Variants in CLNK observed in about 807,000 individuals in gnomAD.
The protein encoded by CLNK is cytokine dependent hematopoietic cell linker.
A neutral mutation model predicts 68.6 loss-of-function variants in CLNK; 74 were observed. That is an observed-to-expected ratio of 1.08 (90% CI 0.89 to 1.31). The LOEUF (loss-of-function observed/expected upper bound fraction) is 1.31, where lower values mean the gene tolerates loss of function less well. Ranked by LOEUF, CLNK falls within the 50% of genes most tolerant of loss-of-function variation. CLNK has a pLI of 0.00. For synonymous variants in CLNK, 198 were observed against 172.2 expected (o/e 1.15, Z -1.17); for missense variants, 553 against 515.3 (o/e 1.07, Z -0.71).
chr4:10,641,205 A>T (rs893796756), intron 2 of CLNK, among the ~76,000 whole-genome samples: 5 of 151,900 alleles, frequency 3.3e-5, no homozygotes, highest in African/African-American at 1.2e-4. Flanking sequence ...GGGTGTGGGG[A>T]GGCTTACTCA....
chr4:10,492,365 A>G (rs1716617951), intron 18 of CLNK, among the ~76,000 whole-genome samples: 1 of 151,566 alleles, frequency 6.6e-6, no homozygotes, highest in African/African-American at 2.4e-5. Flanking sequence ...GGTTTTGTCC[A>G]CTCCTTCCTC....
intron 2 of CLNK, among the ~76,000 whole-genome samples, chr4:10,609,416 T>G (rs998328240): frequency 2.0e-5 from 3 of 152,244 alleles, no homozygotes; most frequent in Non-Finnish European, 4.4e-5. Context: ...TAGCTTCTTC[T>G]GACTCACAGT....
intron 7 of CLNK, 90 bp downstream of exon 7, chr4:10,564,581 A>T: frequency 1.2e-6 from 1 of 865,282 alleles, no homozygotes; most frequent in Admixed American, 2.0e-5. Flanking sequence ...CCCTAATAAG[A>T]TGGCCTGGGG....
At chr4:10,661,120 A>T (rs1724176074) in intron 2 of CLNK, among the ~76,000 whole-genome samples, 1 of 152,204 alleles carries the variant, frequency 6.6e-6, no homozygotes, top group Non-Finnish European at 1.5e-5. Flanking sequence ...TATTCCTGCA[A>T]ATCAAAGTGA....
At chr4:10,708,397 A>C in the CLNK span, among the ~76,000 whole-genome samples, 1 of 149,744 alleles carries the variant, frequency 6.7e-6, no homozygotes, top group Admixed American at 6.6e-5. Context: ...TTTTTTTTCT[A>C]TTTTACAAAT....
intron 7 of CLNK, among the ~76,000 whole-genome samples, chr4:10,561,091 AG>A (rs1719871831): frequency 6.6e-6 from 1 of 151,408 alleles, no homozygotes; most frequent in Non-Finnish European, 1.5e-5. Flanking sequence ...TTTAGAGATG[AG>A]ATGTTACTAT....
chr4:10,531,105 C>T (rs1422864802), intron 12 of CLNK, among the ~76,000 whole-genome samples: 1 of 152,194 alleles, frequency 6.6e-6, no homozygotes, highest in Non-Finnish European at 1.5e-5. Context: ...TTCACGTCTA[C>T]TATATAGATA....
intron 17 of CLNK, among the ~76,000 whole-genome samples, chr4:10,507,356 C>A (rs1028878551): frequency 6.6e-6 from 1 of 152,102 alleles, no homozygotes; most frequent in African/African-American, 2.4e-5. Context: ...AGGTGATCCA[C>A]CCGCCTCATC....
intron 2 of CLNK, among the ~76,000 whole-genome samples, chr4:10,647,550 G>A (rs1560261034): frequency 6.6e-6 from 1 of 152,116 alleles, no homozygotes. Context: ...CTTATTTTAT[G>A]GACATATGAT....
intron 2 of CLNK, among the ~76,000 whole-genome samples, chr4:10,615,479 C>A (rs1267570512): frequency 6.6e-6 from 1 of 151,158 alleles, no homozygotes; most frequent in Non-Finnish European, 1.5e-5. Context: ...GTCGTGCCGC[C>A]GCACTCCAGC....
chr4:10,526,658 T>C (rs776716552), intron 13 of CLNK, among the ~76,000 whole-genome samples: 2 of 152,036 alleles, frequency 1.3e-5, no homozygotes, highest in African/African-American at 2.4e-5. Context: ...GCTCCTAGGG[T>C]TCTCACGTAG....
chr4:10,591,777 G>C (rs919832806), intron 3 of CLNK, among the ~76,000 whole-genome samples: 1 of 152,220 alleles, frequency 6.6e-6, no homozygotes, highest in Non-Finnish European at 1.5e-5. Flanking sequence ...TCTCAATCCA[G>C]ATGAAATTCA....
Position 10,547,598 on chromosome 4 carries a change from T to C in CLNK, c.446-5318A>G, listed in dbSNP as rs148157931. 1.2e-3 allele frequency among the ~76,000 whole-genome samples: 190 copies of C among 152,308 alleles called. 5 individuals carry two copies. The highest frequency in any genetic ancestry group is 7.9e-3 in the Admixed American group (121 of 15,294). On this transcript the variant is annotated intron_variant, in intron 8 of 18. Coordinates refer to ENST00000226951, the MANE Select transcript of CLNK (RefSeq NM_052964.4). Reference sequence around the variant, plus strand: ...GTAGAGTGGGTCTCCAGAATTTATTTGTGCACCATAACTGAAACTTTGTCC... The same window carrying C: ...GTAGAGTGGGTCTCCAGAATTTATTCGTGCACCATAACTGAAACTTTGTCC...
intron 1 of CLNK, among the ~76,000 whole-genome samples, chr4:10,671,386 A>T (rs1441511241): frequency 6.4e-4 from 4 of 6,226 alleles, no homozygotes; most frequent in African/African-American, 1.1e-3. Context: ...AACTCTATCT[A>T]AAAAAAAAAA....
chr4:10,558,671 C>T (rs574693182), intron 7 of CLNK, among the ~76,000 whole-genome samples: 5 of 152,164 alleles, frequency 3.3e-5, no homozygotes, highest in South Asian at 2.1e-4. Context: ...TATAAAAACA[C>T]GTGGGATTGA....
chr4:10,499,613 G>C (rs986629501), intron 18 of CLNK, among the ~76,000 whole-genome samples: 1 of 152,208 alleles, frequency 6.6e-6, no homozygotes, highest in Non-Finnish European at 1.5e-5. Flanking sequence ...AGAACAATCG[G>C]TATCTGTGTG....
chr4:10,727,009 T>C, the CLNK span, among the ~76,000 whole-genome samples: 2 of 152,224 alleles, frequency 1.3e-5, no homozygotes, highest in Non-Finnish European at 2.9e-5. Flanking sequence ...ACATCAAGTC[T>C]GGAGTTTGTT....
At chr4:10,537,639 CTTTCTTTCTTTCTTT>C (rs1560206783) in intron 11 of CLNK, among the ~76,000 whole-genome samples, 26 of 62,772 alleles carry the variant, frequency 4.1e-4, no homozygotes, top group African/African-American at 8.3e-4. Context: ...CTTTCTTTCT[CTTTCTTTCTTTCTTT>C]CTTTCTTTCT....
At chr4:10,641,834 T>C (rs966880507) in intron 2 of CLNK, among the ~76,000 whole-genome samples, 3 of 151,044 alleles carry the variant, frequency 2.0e-5, no homozygotes, top group Non-Finnish European at 4.4e-5. Flanking sequence ...ATGGGGGTGG[T>C]TTCCCCCATA....
Sources: allele counts gnomAD v4.1 joint callset (sites outside exome capture counted in the v4.1 genomes callset), GRCh38; gene constraint gnomAD v4.1.1; transcripts MANE v1.5; gene names NCBI Gene and HGNC (gene_info 2026-07-23, HGNC 2026-07-21).